The following CCDC32 variants were observed in gnomAD, a reference collection of about 807,000 sequenced individuals.
The protein encoded by CCDC32 is coiled-coil domain containing 32.
Under a neutral mutation model 20.1 loss-of-function variants are expected in CCDC32, and 9 were observed. The observed-to-expected ratio is 0.45, with a 90% CI of 0.27 to 0.78. The LOEUF is 0.78. CCDC32 is among the 30% of genes least tolerant of loss of function. The pLI is 0.16. For synonymous variants in CCDC32, 63 were observed against 79.0 expected, an observed-to-expected ratio of 0.80 and a Z score of 1.07; for missense variants, 204 against 215.5, an observed-to-expected ratio of 0.95 and a Z score of 0.33.
At chr15:40,559,026 ACTC>A (rs1462963071) in intron 2 of CCDC32, among the ~76,000 whole-genome samples, 2 of 149,802 alleles carry the variant, frequency 1.3e-5, no homozygotes, top group Admixed American at 6.7e-5. Flanking sequence ...ATGGTCTTGA[ACTC>A]CTGACCTCAT....
At chr15:40,545,287 T>G (rs1478804479) in intron 3 of CCDC32, among the ~76,000 whole-genome samples, 1 of 152,162 alleles carries the variant, frequency 6.6e-6, no homozygotes, top group East Asian at 1.9e-4. Flanking sequence ...TATCTGTTCT[T>G]TAAAATGCTC....
chr15:40,524,924 G>A (rs142405215), downstream of CCDC32, among the ~76,000 whole-genome samples: 106 of 151,310 alleles, frequency 7.0e-4, 1 homozygote, highest in East Asian at 0.015. Flanking sequence ...GCAGAGTCTC[G>A]CTATGTTGCC....
intron 1 of CCDC32, chr15:40,564,635 A>G: frequency 7.8e-7 from 1 of 1,284,050 alleles, no homozygotes; most frequent in Non-Finnish European, 1.1e-6. Flanking sequence ...GACAGAGCCC[A>G]GCCAGCGTAA....
downstream of CCDC32, chr15:40,535,587 G>A: frequency 1.0e-6 from 1 of 982,638 alleles, no homozygotes. Flanking sequence ...GGCACTTCAT[G>A]GTTCTTTATT....
downstream of CCDC32, among the ~76,000 whole-genome samples, chr15:40,530,530 C>CCCCT (rs1555413330): frequency 6.9e-6 from 1 of 145,574 alleles, no homozygotes; most frequent in Non-Finnish European, 1.5e-5. Context: ...CCTGGCACCT[C>CCCCT]CTCTCTCTCT....
chr15:40,527,037 G>A (rs368073514), downstream of CCDC32, among the ~76,000 whole-genome samples: 4 of 152,126 alleles, frequency 2.6e-5, no homozygotes, highest in African/African-American at 9.7e-5. Flanking sequence ...TGCAACCTCT[G>A]CCTCCCAGGT....
chr15:40,564,609 C>G (rs1890894481), intron 1 of CCDC32, among the ~76,000 whole-genome samples: 1 of 152,110 alleles, frequency 6.6e-6, no homozygotes, highest in Non-Finnish European at 1.5e-5. Flanking sequence ...GAGGCAAGGT[C>G]TGAATAATGC....
chr15:40,563,282 T>C (rs1283292234), intron 1 of CCDC32, among the ~76,000 whole-genome samples: 3 of 152,024 alleles, frequency 2.0e-5, no homozygotes. Flanking sequence ...AGGATCACCT[T>C]AGCCCAGGAG....
At chr15:40,545,528 G>A (rs951622100) in intron 3 of CCDC32, among the ~76,000 whole-genome samples, 10 of 152,288 alleles carry the variant, frequency 6.6e-5, no homozygotes, top group Admixed American at 5.2e-4. Flanking sequence ...GAGAATGGGG[G>A]GAGATGAACA....
chr15:40,521,074 C>T, the CCDC32 span, among the ~76,000 whole-genome samples: 126,378 of 152,126 alleles, frequency 0.83, 54,215 homozygotes, highest in Non-Finnish European at 0.93. Flanking sequence ...ATCTTCGCGT[C>T]GAGTAGGCTG....
At chr15:40,528,462 G>A (rs1014855372), downstream of CCDC32, among the ~76,000 whole-genome samples, 1 of 152,210 alleles carries the variant, frequency 6.6e-6, no homozygotes, top group South Asian at 2.1e-4. Flanking sequence ...CAAGGGAGGA[G>A]TGGAGGAGGG....
At chr15:40,544,516 C>T (rs1187636525) in intron 3 of CCDC32, among the ~76,000 whole-genome samples, 1 of 152,170 alleles carries the variant, frequency 6.6e-6, no homozygotes, top group Non-Finnish European at 1.5e-5. Context: ...CTGTGCGGAG[C>T]CCCCTGGCAT....
downstream of CCDC32, among the ~76,000 whole-genome samples, chr15:40,549,907 G>A (rs1439470987): frequency 1.3e-5 from 2 of 152,202 alleles, no homozygotes; most frequent in Non-Finnish European, 2.9e-5. Flanking sequence ...GCCAGGGAGA[G>A]GCTCCAGGGC....
downstream of CCDC32, among the ~76,000 whole-genome samples, chr15:40,533,211 A>G (rs1162113217): frequency 6.6e-6 from 1 of 152,186 alleles, no homozygotes; most frequent in East Asian, 1.9e-4. Context: ...AATAGACAAA[A>G]TGGAACTTAC....
chr15:40,531,719 A>G (rs4923875), downstream of CCDC32: 72,559 of 151,894 alleles, frequency 0.48, 19,519 homozygotes, highest in East Asian at 0.75. Context: ...AGCTCAAGCA[A>G]TCCTCCTACC....
At chr15:40,530,781 C>A (rs1456256678), downstream of CCDC32, among the ~76,000 whole-genome samples, 1 of 149,418 alleles carries the variant, frequency 6.7e-6, no homozygotes, top group African/African-American at 2.5e-5. Context: ...TGCAGTGGCA[C>A]AATCTTGGAA....
At chr15:40,558,322 T>C (rs1295639153) in intron 2 of CCDC32, among the ~76,000 whole-genome samples, 1 of 152,190 alleles carries the variant, frequency 6.6e-6, no homozygotes, top group Non-Finnish European at 1.5e-5. Context: ...GTTCCTGTTA[T>C]TACCACCATG....
At chr15:40,531,685 A>G (rs758831786), downstream of CCDC32, 1 of 151,760 alleles carries the variant, frequency 6.6e-6, no homozygotes, top group Non-Finnish European at 1.5e-5. Flanking sequence ...CATGATCACC[A>G]CTCTCTGCAG....
At chr15:40,557,107 GC>G (rs1359254947) in intron 3 of CCDC32, 108 bp downstream of exon 3, 39 of 1,354,952 alleles carry the variant, frequency 2.9e-5, no homozygotes, top group Middle Eastern at 2.0e-4. Flanking sequence ...TGCAGTATTT[GC>G]CTTTTGGCAA....
Sources: gnomAD v4.1 joint callset for allele counts (sites outside exome capture counted in the v4.1 genomes callset) on GRCh38, gnomAD v4.1.1 for gene constraint, MANE v1.5 for transcripts, NCBI Gene and HGNC (gene_info 2026-07-23, HGNC 2026-07-21) for gene names.